The following RTEL1 variants were observed in gnomAD, a reference collection of about 807,000 sequenced individuals.
RTEL1 encodes the protein regulator of telomere length.
A neutral mutation model predicts 162.2 loss-of-function variants in RTEL1; 86 were observed. That is an observed-to-expected ratio of 0.53 (90% CI 0.45 to 0.63). RTEL1 has a LOEUF of 0.63. Ranked by LOEUF, RTEL1 falls within the 30% of genes least tolerant of loss-of-function variation. The pLI, the probability that RTEL1 is intolerant of heterozygous loss-of-function variation, is 0.00. For missense variants in RTEL1, 1,941 were observed against 1,750.2 expected, an observed-to-expected ratio of 1.11 and a Z score of -1.95; for synonymous variants, 958 against 717.9, an observed-to-expected ratio of 1.33 and a Z score of -5.35.
intron 28 of RTEL1, chr20:63,692,145 C>T: frequency 6.1e-6 from 2 of 327,204 alleles, no homozygotes; most frequent in East Asian, 6.9e-5. Flanking sequence ...GTGAGGGACA[C>T]AGCCCATTCC....
rs747945947 is a variant in RTEL1, at chr20:63,688,572, T to G, written c.1767T>G (p.Phe589Leu). The change falls in exon 21 of 35, where the codon TTT becomes TTG. Residue 589 changes from phenylalanine to leucine, a missense_variant. Physicochemically the swap from Phe to Leu is conservative, Grantham distance 22. Transcript: ENST00000360203. ...AGATGGAGGCGCTGAAGCCGCTGTT[T>G]GTGGAGCCCAGGAGCAAAGGCAGCT... ...ARKMEALKPL[F>L]VEPRSKGSFS... The G allele has an allele frequency of 1.2e-6, 2 of 1,610,508 alleles. No homozygotes were observed. The highest frequency in any genetic ancestry group is 1.7e-6 in the Non-Finnish European group (2 of 1,179,516).
At chr20:63,675,231 T>G (rs2090325857) in intron 10 of RTEL1, among the ~76,000 whole-genome samples, 1 of 152,236 alleles carries the variant, frequency 6.6e-6, no homozygotes, top group African/African-American at 2.4e-5. Flanking sequence ...ACATGGCTTC[T>G]GTAAACAGCT....
At chr20:63,693,399 T>A in intron 30 of RTEL1, 116 bp downstream of exon 30, 2 of 1,311,658 alleles carry the variant, frequency 1.5e-6, no homozygotes, top group Non-Finnish European at 2.1e-6. Flanking sequence ...GCCTCTCTGT[T>A]CCCCTATGGG....
chr20:63,663,773 G>A (rs558172569), intron 6 of RTEL1, among the ~76,000 whole-genome samples: 4 of 152,268 alleles, frequency 2.6e-5, no homozygotes, highest in Non-Finnish European at 4.4e-5. Flanking sequence ...AGGCATCGGC[G>A]GTCCTGTGGG....
At chr20:63,670,765 T>C (rs1255618571) in intron 8 of RTEL1, among the ~76,000 whole-genome samples, 1 of 151,378 alleles carries the variant, frequency 6.6e-6, no homozygotes, top group African/African-American at 2.4e-5. Flanking sequence ...GGGGGATCGC[T>C]TAAGCCCAGG....
At position 63,661,269 on chromosome 20, in the gene RTEL1, C is replaced by G. The variant is rs41310191; in HGVS notation, c.103-29C>G. ...GTGGCCTCGCCTCTTCCTGGCTTCC[C>G]CGTAACCCTTGCTCCGAACTCCGTT... On this transcript the variant is annotated intron_variant, in intron 2 of 34. Coordinates refer to ENST00000360203, the MANE Select transcript of RTEL1 (RefSeq NM_001283009.2). The surrounding 1 kb of genome is among the most constrained non-coding windows in gnomAD (Gnocchi z 5.1). The G allele has an allele frequency of 6.2e-7, 1 of 1,604,724 alleles. No individual in the cohort carries two copies. Among genetic ancestry groups the G allele is most frequent in the East Asian group, 2.2e-5 (1 of 44,736 alleles).
At chr20:63,664,086 G>A (rs889661395) in intron 6 of RTEL1, among the ~76,000 whole-genome samples, 16 of 152,252 alleles carry the variant, frequency 1.1e-4, no homozygotes, top group Admixed American at 4.6e-4. Flanking sequence ...TCATCTTGAT[G>A]TGTGGTTGTC....
At chr20:63,671,209 C>A (rs1298912515) in intron 8 of RTEL1, among the ~76,000 whole-genome samples, 7 of 152,040 alleles carry the variant, frequency 4.6e-5, no homozygotes, top group African/African-American at 1.7e-4. Context: ...TACAGGCACC[C>A]GCCACCACAC....
intron 5 of RTEL1, 24 bp downstream of exon 5, chr20:63,662,651 G>C (rs369537146): frequency 3.1e-6 from 5 of 1,613,176 alleles, no homozygotes; most frequent in Non-Finnish European, 4.2e-6. Flanking sequence ...CTCCCGCTCC[G>C]GCTCAGTGTC....
intron 10 of RTEL1, among the ~76,000 whole-genome samples, chr20:63,676,792 A>G (rs188988326): frequency 2.6e-4 from 39 of 152,252 alleles, no homozygotes; most frequent in African/African-American, 9.1e-4. Flanking sequence ...AAAATTAGCC[A>G]GGTGTGGTGG....
At chr20:63,687,500 A>G in intron 16 of RTEL1, 138 bp from the exon 17 acceptor site, 1 of 998,458 alleles carries the variant, frequency 1.0e-6, no homozygotes, top group South Asian at 1.7e-5. Flanking sequence ...TGACTTCTGC[A>G]CAGTGGGCCT....
rs2090179479 is a variant in RTEL1 at position 63,668,265 on chromosome 20, G to T, written c.699+712G>T. 1.3e-5 allele frequency among the ~76,000 whole-genome samples: 2 copies of T among 152,212 alleles called. No homozygotes were observed. Among genetic ancestry groups the T allele is most frequent in the Admixed American group, 1.3e-4 (2 of 15,276 alleles). ...ATCACACGCCACGGGTCAATGGTTT[G>T]TGTGTTCACGTGACGATGGCGTGGT... is the stretch of plus-strand genomic sequence containing the variant. On this transcript the variant is annotated intron_variant, in intron 8 of 34. Transcript: ENST00000360203. This position sits in a 1 kb window ranked among gnomAD's most constrained non-coding sequence, Gnocchi z 4.3.
chr20:63,659,355 T>C lies in RTEL1; in HGVS notation c.-48T>C. The C allele has an allele frequency of 7.1e-7, 1 of 1,409,220 alleles. No homozygotes were observed. Among genetic ancestry groups the C allele is most frequent in the Non-Finnish European group, 1.0e-6 (1 of 993,940 alleles). 87.3% of individuals were successfully genotyped at this position (1,409,220 alleles called of 1,614,324 possible). On this transcript the variant is annotated 5_prime_UTR_variant, in exon 2 of 35. The change abolishes the stop of an existing upstream ORF in the 5' untranslated region. Coordinates refer to ENST00000360203, the MANE Select transcript of RTEL1 (RefSeq NM_001283009.2). ...AGTGGTTTTTTCGCACAGACCCGAATAGCCTGCCCCTCAGCCACGCTCTGT... is the reference window on the plus strand; with the variant it reads ...AGTGGTTTTTTCGCACAGACCCGAACAGCCTGCCCCTCAGCCACGCTCTGT...
chr20:63,688,024 C>A lies in RTEL1; in HGVS notation c.1569C>A (p.Ala523=), dbSNP rs1601163315. The change falls in exon 18 of 35, where the codon GCC becomes GCA. Residue 523 remains alanine (A), a synonymous_variant. Coordinates refer to ENST00000360203, the MANE Select transcript of RTEL1 (RefSeq NM_001283009.2). ...VGVVPRGPDG[A]QLSSAFDRRF... is the part of the protein sequence containing the mutation. ...TCGTCCCCAGAGGCCCCGATGGAGCCCAGTTGAGCTCCGCGTTTGACAGAC... is the reference window on the plus strand; with the variant it reads ...TCGTCCCCAGAGGCCCCGATGGAGCACAGTTGAGCTCCGCGTTTGACAGAC... 6.2e-7 allele frequency: 1 copy of A among 1,612,620 alleles called. No individual in the cohort carries two copies. The highest frequency in any genetic ancestry group is 1.7e-5 in the Admixed American group (1 of 60,002).
intron 8 of RTEL1, among the ~76,000 whole-genome samples, chr20:63,672,202 T>C (rs1459372245): frequency 6.6e-6 from 1 of 152,154 alleles, no homozygotes; most frequent in Non-Finnish European, 1.5e-5. Context: ...TTTGTAAATC[T>C]CCCTGAGTGG....
chr20:63,688,238 G>T (rs1011576868), intron 19 of RTEL1, 59 bp downstream of exon 19: 1 of 1,609,860 alleles, frequency 6.2e-7, no homozygotes, highest in Admixed American at 1.7e-5. Context: ...CTGCTCCCAA[G>T]AGCTGGTAGG....
At chr20:63,678,962 TCTC>T (rs1019378691) in intron 12 of RTEL1, among the ~76,000 whole-genome samples, 3 of 152,242 alleles carry the variant, frequency 2.0e-5, no homozygotes, top group East Asian at 1.9e-4. Flanking sequence ...TCCTGCAGTT[TCTC>T]CTCCTCCAGG....
In RTEL1 at chr20:63,687,725, G is replaced by A; in HGVS notation, c.1436G>A (p.Ser479Asn). Residue 479 changes from serine to asparagine, a missense_variant, in exon 17 of 35, where the codon AGC (serine) becomes AAC (asparagine). Physicochemically the swap from Ser to Asn is conservative, Grantham distance 46 (BLOSUM62 1). Coordinates refer to ENST00000360203, the MANE Select transcript of RTEL1 (RefSeq NM_001283009.2). ...RQGVRSLILT[S>N]GTLAPVSSFA... is the part of the protein sequence containing the mutation. ...GGCGTCCGCTCCCTCATCCTTACCA[G>A]CGGCACGCTGGCCCCGGTGTCCTCC... 6.3e-7 allele frequency: 1 copy of A among 1,596,614 alleles called. No individual in the cohort carries two copies. The highest frequency in any genetic ancestry group is 8.5e-7 in the Non-Finnish European group (1 of 1,173,238).
chr20:63,693,027 C>G (rs2090794267), intron 29 of RTEL1, 24 bp downstream of exon 29: 4 of 1,611,830 alleles, frequency 2.5e-6, no homozygotes, highest in East Asian at 2.2e-5. Flanking sequence ...CAGAGGCCAC[C>G]CACCCTGAGG....
Sources: gnomAD v4.1 joint callset for allele counts (sites outside exome capture counted in the v4.1 genomes callset) on GRCh38, gnomAD v4.1.1 for gene constraint, Gnocchi (gnomAD v3.1) non-coding constraint, MANE v1.5 for transcripts, NCBI Gene and HGNC (gene_info 2026-07-23, HGNC 2026-07-21) for gene names.